The following C17orf114 variants were observed in gnomAD, a reference collection of about 807,000 sequenced individuals.
C17orf114 encodes the protein uncharacterized protein C17orf114.
At chr17:4,806,832 C>G (rs1423902845), upstream of C17orf114, 1 of 149,694 alleles carries the variant, frequency 6.7e-6, no homozygotes, top group East Asian at 1.9e-4. Flanking sequence ...GCGCCGAGCC[C>G]GAGGGATGCG....
At chr17:4,803,486 G>A (rs1434549204), upstream of C17orf114, among the ~76,000 whole-genome samples, 7 of 137,032 alleles carry the variant, frequency 5.1e-5, no homozygotes, top group Middle Eastern at 4.0e-3. Context: ...ATGCAGTGGC[G>A]CGGTCTTGGC....
At chr17:4,805,623 G>A (rs1430882818), upstream of C17orf114, among the ~76,000 whole-genome samples, 2 of 151,446 alleles carry the variant, frequency 1.3e-5, no homozygotes, top group Admixed American at 6.6e-5. Flanking sequence ...GCAGTGAGCC[G>A]AGATCACGCC....
chr17:4,805,245 T>C (rs927351084), upstream of C17orf114, among the ~76,000 whole-genome samples: 5 of 149,714 alleles, frequency 3.3e-5, no homozygotes, highest in African/African-American at 9.9e-5. Flanking sequence ...CTGACCAACA[T>C]GGAGGAACCC....
upstream of C17orf114, chr17:4,806,799 G>A (rs1716604116): frequency 6.6e-6 from 1 of 150,808 alleles, no homozygotes; most frequent in African/African-American, 2.4e-5. Flanking sequence ...GGCAGCGCCC[G>A]CGGCTGGAGG....
At chr17:4,805,648 T>A (rs1905699899), upstream of C17orf114, among the ~76,000 whole-genome samples, 1 of 151,322 alleles carries the variant, frequency 6.6e-6, no homozygotes, top group South Asian at 2.1e-4. Flanking sequence ...CAGTCCAGCA[T>A]GGGCAACAAG....
chr17:4,803,158 AT>A (rs1905552665), upstream of C17orf114, among the ~76,000 whole-genome samples: 1 of 151,940 alleles, frequency 6.6e-6, no homozygotes, highest in Admixed American at 6.6e-5. Flanking sequence ...ACCTCAGGCA[AT>A]CCACCCGCCT....
upstream of C17orf114, among the ~76,000 whole-genome samples, chr17:4,805,178 C>A (rs941794520): frequency 6.6e-6 from 1 of 152,188 alleles, no homozygotes; most frequent in East Asian, 1.9e-4. Context: ...CGCCTGTAAT[C>A]CCAGCACTTT....
upstream of C17orf114, among the ~76,000 whole-genome samples, chr17:4,803,681 C>T (rs1212408329): frequency 1.3e-5 from 2 of 151,830 alleles, no homozygotes; most frequent in Non-Finnish European, 2.9e-5. Flanking sequence ...CCACCTCGGC[C>T]TCCCAAAGTG....
exon 2 of C17orf114, chr17:4,801,201 T>G (rs558037820): frequency 2.5e-6 from 1 of 398,074 alleles, no homozygotes; most frequent in Non-Finnish European, 4.4e-6. Context: ...TAGAAAGGAC[T>G]TGGGGAGGTG....
upstream of C17orf114, among the ~76,000 whole-genome samples, chr17:4,805,362 C>T (rs1016869314): frequency 1.1e-4 from 17 of 151,162 alleles, no homozygotes; most frequent in African/African-American, 4.1e-4. Context: ...GCGGAGGTTG[C>T]AGTGAGCCGA....
chr17:4,804,437 C>T (rs1791134218), upstream of C17orf114, among the ~76,000 whole-genome samples: 1 of 151,988 alleles, frequency 6.6e-6, no homozygotes, highest in African/African-American at 2.4e-5. Flanking sequence ...ATATCGTGAC[C>T]TCGTGATCTG....
At chr17:4,806,103 C>T (rs986381102), upstream of C17orf114, among the ~76,000 whole-genome samples, 1 of 152,208 alleles carries the variant, frequency 6.6e-6, no homozygotes, top group African/African-American at 2.4e-5. Context: ...CATTGATCTC[C>T]AGACAAATGC....
chr17:4,801,922 G>A (rs1451213153), intron 1 of C17orf114, among the ~76,000 whole-genome samples: 1 of 151,922 alleles, frequency 6.6e-6, no homozygotes, highest in African/African-American at 2.4e-5. Context: ...AGTAGAGGTG[G>A]GTTTCACCGT....
At chr17:4,802,389 G>GC (rs1905535537), upstream of C17orf114, 5 of 398,418 alleles carry the variant, frequency 1.3e-5, no homozygotes, top group South Asian at 1.3e-4. Flanking sequence ...TGGTTTCCAA[G>GC]CCCCCCCACC....
At position 4,801,953 on chromosome 17, in the gene C17orf114, TC is replaced by T. The variant is rs1340733359; in HGVS notation, c.73+293del. ...ACCGTGTTAGCCAGGATGGTCTCCA[TC>T]CCCTGACCTCGTGATCTACCCACCT... On this transcript the variant is annotated intron_variant, in intron 1 of 1. Transcript: ENST00000635921. 2.0e-5 allele frequency among the ~76,000 whole-genome samples: 3 copies of T among 151,998 alleles called. No individual in the cohort carries two copies. In the South Asian group the frequency reaches 6.2e-4, roughly 32 times the overall value.
exon 2 of C17orf114, chr17:4,801,336 G>T: frequency 5.0e-6 from 2 of 398,802 alleles, no homozygotes; most frequent in East Asian, 3.6e-5. Flanking sequence ...AGCTGGTGGC[G>T]GAAGGAGAGT....
At chr17:4,801,367 G>A (rs1406307192) in exon 2 of C17orf114, 1 of 398,776 alleles carries the variant, frequency 2.5e-6, no homozygotes, top group Non-Finnish European at 4.4e-6. Context: ...TGCTGAAGTA[G>A]GCACCAGGCC....
intron 1 of C17orf114, 64 bp downstream of exon 1, chr17:4,802,183 C>G: frequency 5.0e-6 from 2 of 399,020 alleles, no homozygotes; most frequent in East Asian, 7.1e-5. Flanking sequence ...CATTTCTCTC[C>G]CTGCCATGCA....
chr17:4,801,931 G>C (rs372415648), intron 1 of C17orf114, among the ~76,000 whole-genome samples: 106 of 152,008 alleles, frequency 7.0e-4, no homozygotes, highest in Middle Eastern at 6.8e-3. Context: ...GGGTTTCACC[G>C]TGTTAGCCAG....
Sources: allele counts gnomAD v4.1 joint callset (sites outside exome capture counted in the v4.1 genomes callset), GRCh38; gene constraint gnomAD v4.1.1; transcripts MANE v1.5; gene names NCBI Gene and HGNC (gene_info 2026-07-23, HGNC 2026-07-21).